Variants in PCDH15 observed in about 807,000 individuals in gnomAD.
PCDH15 encodes protocadherin-15.
In PCDH15, 129 loss-of-function variants were observed where a neutral mutation model predicts 178.5. The ratio of observed to expected loss-of-function variants is 0.72; its 90% CI spans 0.63 to 0.84. The LOEUF is 0.84. Ranked by LOEUF, PCDH15 falls within the 40% of genes least tolerant of loss-of-function variation. The pLI, the probability that PCDH15 is intolerant of heterozygous loss-of-function variation, is 0.00. For synonymous variants in PCDH15, 800 were observed against 732.0 expected, an observed-to-expected ratio of 1.09 and a Z score of -1.50; for missense variants, 2,230 against 2,099.9, an observed-to-expected ratio of 1.06 and a Z score of -1.21.
At chr10:53,972,393 C>T (rs1268670033) in intron 21 of PCDH15, among the ~76,000 whole-genome samples, 3 of 152,138 alleles carry the variant, frequency 2.0e-5, no homozygotes, top group Admixed American at 2.0e-4. Context: ...GGCTTCATGA[C>T]TAAAACACCA....
At chr10:54,828,776 C>T (rs972751367) in intron 3 of PCDH15, among the ~76,000 whole-genome samples, 1 of 151,838 alleles carries the variant, frequency 6.6e-6, no homozygotes, top group Non-Finnish European at 1.5e-5. Flanking sequence ...CAAAAATAAA[C>T]AGTCACATAA....
chr10:54,185,392 C>T (rs1321087202), intron 11 of PCDH15, 124 bp from the exon 12 acceptor site: 18 of 1,088,952 alleles, frequency 1.7e-5, no homozygotes, highest in South Asian at 6.8e-5. Flanking sequence ...GAATTTCTAA[C>T]GATAAAAGAT....
intron 2 of PCDH15, among the ~76,000 whole-genome samples, chr10:54,979,556 C>A (rs1314226928): frequency 1.3e-5 from 2 of 151,340 alleles, no homozygotes; most frequent in African/African-American, 4.9e-5. Context: ...GTAGTCCCAA[C>A]TACTAGGGAG....
At position 53,993,958 on chromosome 10, in the gene PCDH15, G is replaced by A. The variant is rs188302468; in HGVS notation, c.2868+1691C>T. Among the ~76,000 whole-genome samples, 69 of 152,238 alleles carry A rather than the reference G, an allele frequency of 4.5e-4. 1 individual carries two copies. The East Asian group carries it at 0.012, about 27-fold the overall frequency. On this transcript the variant is annotated intron_variant, in intron 21 of 37. Transcript: ENST00000644397. ...GAAAGGCCAATATCAATTATTAAAC[G>A]CTAAAAATTACTACTGGGAGTGCAA...
rs542196781 is a variant in PCDH15 at position 55,048,582 on chromosome 10, G to C, written c.-80+117994C>G. On this transcript the variant is annotated intron_variant, in intron 2 of 5. Transcript: ENST00000458638. ...TTGCATCTTGTGAACTCTCAGTCAAGTGGTGTGGCATGGCCATTTTTAACC... is the reference window on the plus strand; with the variant it reads ...TTGCATCTTGTGAACTCTCAGTCAACTGGTGTGGCATGGCCATTTTTAACC... 2.6e-5 allele frequency among the ~76,000 whole-genome samples: 4 copies of C among 152,062 alleles called. No individual in the cohort carries two copies. The East Asian group carries it at 7.7e-4, about 29-fold the overall frequency.
intron 1 of PCDH15, among the ~76,000 whole-genome samples, chr10:55,215,727 G>A (rs547202012): frequency 6.6e-6 from 1 of 152,084 alleles, no homozygotes; most frequent in Admixed American, 6.5e-5. Flanking sequence ...AATGCAGTGA[G>A]CAATTTTATG....
intron 1 of PCDH15, among the ~76,000 whole-genome samples, chr10:54,681,523 A>G (rs1259304171): frequency 6.6e-6 from 1 of 152,170 alleles, no homozygotes; most frequent in Non-Finnish European, 1.5e-5. Flanking sequence ...GAATGCTAAT[A>G]TGTTGAGTGC....
chr10:53,845,521 T>C (rs1017350559), intron 28 of PCDH15, among the ~76,000 whole-genome samples: 1 of 151,850 alleles, frequency 6.6e-6, no homozygotes, highest in Non-Finnish European at 1.5e-5. Context: ...ACAGTATATA[T>C]ATACAATCAA....
At chr10:54,151,358 T>C (rs1383995060) in intron 14 of PCDH15, among the ~76,000 whole-genome samples, 1 of 152,040 alleles carries the variant, frequency 6.6e-6, no homozygotes, top group Non-Finnish European at 1.5e-5. Flanking sequence ...CTGGGCAACA[T>C]AGCAAAATTC....
At chr10:54,024,337 G>C (rs112698278) in intron 18 of PCDH15, among the ~76,000 whole-genome samples, 1 of 152,004 alleles carries the variant, frequency 6.6e-6, no homozygotes. Context: ...ACAAGGAAAG[G>C]AAGGAAAACA....
chr10:54,151,756 T>C (rs1218075386), intron 14 of PCDH15, among the ~76,000 whole-genome samples: 1 of 152,146 alleles, frequency 6.6e-6, no homozygotes. Context: ...GTAATTAATA[T>C]ATAAATCTCT....
chr10:54,059,528 G>A (rs1440155755), intron 18 of PCDH15, among the ~76,000 whole-genome samples: 4 of 151,862 alleles, frequency 2.6e-5, no homozygotes, highest in Non-Finnish European at 4.4e-5. Flanking sequence ...ATACACATGC[G>A]CTTGTGCATG....
chr10:54,608,373 G>A (rs2092840086), intron 2 of PCDH15, among the ~76,000 whole-genome samples: 1 of 151,936 alleles, frequency 6.6e-6, no homozygotes, highest in South Asian at 2.1e-4. Context: ...TAGAGAGGCT[G>A]ATGTGGGAGA....
chr10:53,945,837 GTATATATATATATATATATA>G (rs56389905), intron 23 of PCDH15, among the ~76,000 whole-genome samples: 1,620 of 119,448 alleles, frequency 0.014, 55 homozygotes, highest in African/African-American at 0.041. Context: ...ATATTTCATT[GTATATATATATATATATATA>G]TATATATATA....
At chr10:54,371,136 T>C (rs1381060117) in intron 4 of PCDH15, among the ~76,000 whole-genome samples, 1 of 151,850 alleles carries the variant, frequency 6.6e-6, no homozygotes, top group Non-Finnish European at 1.5e-5. Flanking sequence ...TTCAAAGTCA[T>C]CTTAATAAGT....
chr10:55,483,008 T>C (rs1024626413), intron 2 of PCDH15, among the ~76,000 whole-genome samples: 3 of 151,736 alleles, frequency 2.0e-5, no homozygotes, highest in Non-Finnish European at 2.9e-5. Flanking sequence ...TTTCTTACAC[T>C]GTATATAAAC....
At chr10:55,029,729 C>T (rs183827216) in intron 2 of PCDH15, among the ~76,000 whole-genome samples, 5 of 152,174 alleles carry the variant, frequency 3.3e-5, no homozygotes, top group African/African-American at 7.2e-5. Flanking sequence ...AAGTGCTGCA[C>T]CAACTTTTCT....
intron 9 of PCDH15, among the ~76,000 whole-genome samples, chr10:54,219,089 TAAAAAAA>T (rs746481539): frequency 1.0e-5 from 1 of 100,108 alleles, no homozygotes; most frequent in African/African-American, 3.9e-5. Context: ...CTGTCTCTAC[TAAAAAAA>T]AAAAAAAAAA....
At chr10:55,115,440 AT>A (rs1837606752) in intron 2 of PCDH15, among the ~76,000 whole-genome samples, 1 of 152,178 alleles carries the variant, frequency 6.6e-6, no homozygotes, top group Non-Finnish European at 1.5e-5. Context: ...ATAGAAGGAT[AT>A]TTTTGTGCAT....
Sources: allele counts gnomAD v4.1 joint callset (sites outside exome capture counted in the v4.1 genomes callset), GRCh38; gene constraint gnomAD v4.1.1; transcripts MANE v1.5; gene names NCBI Gene and HGNC (gene_info 2026-07-23, HGNC 2026-07-21).